Variants in CACNA2D1 observed in about 807,000 individuals in gnomAD.
CACNA2D1 encodes calcium voltage-gated channel auxiliary subunit alpha2delta 1, also known as voltage-dependent calcium channel subunit alpha-2/delta-1.
CACNA2D1 carries 53 observed loss-of-function variants against 171.5 expected under a neutral mutation model. That is an observed-to-expected ratio of 0.31 (90% CI 0.25 to 0.39). The LOEUF is 0.39. Among genes scored for constraint, CACNA2D1 ranks in the 10% least tolerant of loss-of-function variants. The pLI is 1.00. For synonymous variants in CACNA2D1, 442 were observed against 443.1 expected, an observed-to-expected ratio of 1.00 and a Z score of 0.03; for missense variants, 903 against 1,299.8, an observed-to-expected ratio of 0.69 and a Z score of 4.69.
At chr7:82,379,978 C>T (rs553731602) in intron 1 of CACNA2D1, among the ~76,000 whole-genome samples, 1 of 152,162 alleles carries the variant, frequency 6.6e-6, no homozygotes, top group South Asian at 2.1e-4. Context: ...ATATTTTTTA[C>T]TCCCTAAGTA....
chr7:82,426,612 T>C (rs1303317324), intron 1 of CACNA2D1, among the ~76,000 whole-genome samples: 1 of 152,194 alleles, frequency 6.6e-6, no homozygotes, highest in Non-Finnish European at 1.5e-5. Context: ...GTATGGTAAT[T>C]ATTGCTTATG....
At chr7:81,967,968 T>G (rs145039984) in intron 29 of CACNA2D1, among the ~76,000 whole-genome samples, 1 of 151,604 alleles carries the variant, frequency 6.6e-6, no homozygotes, top group African/African-American at 2.4e-5. Flanking sequence ...TTTAAGATGT[T>G]TCCCTAACCC....
intron 6 of CACNA2D1, among the ~76,000 whole-genome samples, chr7:82,107,477 A>G (rs1489088638): frequency 6.6e-6 from 1 of 152,114 alleles, no homozygotes; most frequent in Non-Finnish European, 1.5e-5. Context: ...AAGAGCAGCT[A>G]TCAAAGCCCA....
rs71093376 is a variant in CACNA2D1 at position 82,366,903 on chromosome 7, CTTTTT to C, written c.96-17259_96-17255del. Among the ~76,000 whole-genome samples the C allele has an allele frequency of 5.0e-3, 433 of 86,962 alleles. 3 individuals carry two copies. Among genetic ancestry groups the C allele is most frequent in the Non-Finnish European group, 7.5e-3 (324 of 43,364 alleles). 57.1% of individuals were successfully genotyped at this position (86,962 alleles called of 152,430 possible). A position where few individuals can be genotyped will look rare whatever the true frequency, so the allele number is the denominator to read the frequency against. On this transcript the variant is annotated intron_variant, in intron 1 of 38. Coordinates refer to ENST00000356860, the MANE Select transcript of CACNA2D1 (RefSeq NM_000722.4). ...CCTGCCAGCATCCACTGGTTTTGAC[CTTTTT>C]TTTTTTTTTTTTTTTTTTGACGGTG...
chr7:82,433,883 A>G (rs983114563), intron 1 of CACNA2D1, among the ~76,000 whole-genome samples: 2 of 152,380 alleles, frequency 1.3e-5, no homozygotes, highest in East Asian at 3.9e-4. Flanking sequence ...TCAGGCAACC[A>G]GAGTCTCTTT....
intron 3 of CACNA2D1, among the ~76,000 whole-genome samples, chr7:82,319,431 TA>T (rs1490334855): frequency 6.6e-6 from 1 of 152,226 alleles, no homozygotes; most frequent in African/African-American, 2.4e-5. Context: ...TGCAGTCACT[TA>T]ATGAAAATGA....
At chr7:82,324,474 G>A (rs1816395121) in intron 3 of CACNA2D1, among the ~76,000 whole-genome samples, 1 of 151,934 alleles carries the variant, frequency 6.6e-6, no homozygotes, top group Non-Finnish European at 1.5e-5. Context: ...TGCTGAGTGC[G>A]GTAGAGAGTA....
intron 10 of CACNA2D1, chr7:82,051,166 G>A (rs912931743): frequency 1.9e-5 from 3 of 154,404 alleles, no homozygotes; most frequent in Non-Finnish European, 4.3e-5. Context: ...CAGAATTATT[G>A]TTTATATAGA....
At chr7:82,291,091 T>TC (rs1265814836) in intron 3 of CACNA2D1, among the ~76,000 whole-genome samples, 1 of 142,112 alleles carries the variant, frequency 7.0e-6, no homozygotes, top group Non-Finnish European at 1.5e-5. Flanking sequence ...TCCTCCCACC[T>TC]CATCCTCCAA....
intron 18 of CACNA2D1, 58 bp downstream of exon 18, chr7:82,005,365 G>T (rs536648686): frequency 1.7e-5 from 18 of 1,032,788 alleles, no homozygotes; most frequent in Admixed American, 3.9e-5. Flanking sequence ...ATCCTATTAA[G>T]AACATTAATC....
At chr7:82,402,397 T>C (rs1554543762) in intron 1 of CACNA2D1, among the ~76,000 whole-genome samples, 1 of 151,986 alleles carries the variant, frequency 6.6e-6, no homozygotes, top group Non-Finnish European at 1.5e-5. Context: ...AGAATGAAGA[T>C]AGAAGGAGAG....
intron 4 of CACNA2D1, among the ~76,000 whole-genome samples, chr7:82,168,794 A>G (rs1795727906): frequency 1.3e-5 from 2 of 152,148 alleles, no homozygotes; most frequent in Admixed American, 1.3e-4. Context: ...TGAAAACAAC[A>G]TACAACTAAT....
At chr7:81,954,003 C>T (rs577669590) in intron 38 of CACNA2D1, among the ~76,000 whole-genome samples, 1 of 152,060 alleles carries the variant, frequency 6.6e-6, no homozygotes, top group African/African-American at 2.4e-5. Flanking sequence ...TCAGTTCACA[C>T]TGAAAAATGT....
At chr7:82,376,025 C>T (rs1444168147) in intron 1 of CACNA2D1, among the ~76,000 whole-genome samples, 1 of 152,066 alleles carries the variant, frequency 6.6e-6, no homozygotes, top group East Asian at 1.9e-4. Context: ...GCCTTAAGCC[C>T]CCTACCTCTT....
chr7:82,145,633 A>C (rs1480351380), intron 4 of CACNA2D1, among the ~76,000 whole-genome samples: 2 of 135,334 alleles, frequency 1.5e-5, no homozygotes, highest in East Asian at 2.1e-4. Context: ...ATTACATATA[A>C]AAATTTTATA....
At position 82,351,951 on chromosome 7, in the gene CACNA2D1, A is replaced by T. The variant is rs563463675; in HGVS notation, c.96-2302T>A. ...AATAAGACACGTTATACATCCCTTT[A>T]GCTCGAAACTGAGAGGCAAAGAATA... On this transcript the variant is annotated intron_variant, in intron 1 of 38. Coordinates refer to ENST00000356860, the MANE Select transcript of CACNA2D1 (RefSeq NM_000722.4). 5.9e-5 allele frequency among the ~76,000 whole-genome samples: 9 copies of T among 152,092 alleles called. No homozygotes were observed. The South Asian group carries it at 1.9e-3, about 32-fold the overall frequency.
In CACNA2D1 at chr7:82,036,982, A is replaced by G. The variant is rs1175384434; in HGVS notation, c.1038+1095T>C. On this transcript the variant is annotated intron_variant, in intron 11 of 38. Coordinates refer to ENST00000356860, the MANE Select transcript of CACNA2D1 (RefSeq NM_000722.4). The stretch of plus-strand genomic sequence containing the variant: ...GGTTCCGTGGACAATCTTATGCACA[A>G]TTCTCTGAGGTACATGTCATAGTGA... Among the ~76,000 whole-genome samples the G allele has an allele frequency of 2.6e-5, 4 of 152,294 alleles. No individual in the cohort carries two copies. The East Asian group carries it at 7.7e-4, about 29-fold the overall frequency.
At position 82,347,626 on chromosome 7, in the gene CACNA2D1, T is replaced by C. The variant is rs370001337; in HGVS notation, c.177+1942A>G. Among the ~76,000 whole-genome samples, 50 of 152,252 alleles carry C rather than the reference T, an allele frequency of 3.3e-4. 2 individuals carry two copies. The East Asian group carries it at 9.5e-3, about 29-fold the overall frequency. ...AGGAATGAGGCAATACGGAATCATC[T>C]GTCTGTGTAAGATGACACTCTTTGT... is the stretch of plus-strand genomic sequence containing the variant. On this transcript the variant is annotated intron_variant, in intron 2 of 38. Coordinates refer to ENST00000356860, the MANE Select transcript of CACNA2D1 (RefSeq NM_000722.4).
At chr7:82,237,917 T>C (rs560941138) in intron 3 of CACNA2D1, among the ~76,000 whole-genome samples, 1 of 152,142 alleles carries the variant, frequency 6.6e-6, no homozygotes, top group Admixed American at 6.5e-5. Context: ...AAGAATAAAG[T>C]ACAGTTAAAT....
Sources: allele counts gnomAD v4.1 joint callset (sites outside exome capture counted in the v4.1 genomes callset), GRCh38; gene constraint gnomAD v4.1.1; transcripts MANE v1.5; gene names NCBI Gene and HGNC (gene_info 2026-07-23, HGNC 2026-07-21).